The following MAF variants were observed in gnomAD, a reference collection of about 807,000 sequenced individuals.
The protein encoded by MAF is transcription factor Maf.
A neutral mutation model predicts 22.0 loss-of-function variants in MAF; 10 were observed. The ratio of observed to expected loss-of-function variants is 0.45; its 90% CI spans 0.28 to 0.77. MAF has a LOEUF of 0.77. Among genes scored for constraint, MAF ranks in the 30% least tolerant of loss-of-function variants. The pLI is 0.12. For synonymous variants in MAF, 337 were observed against 255.8 expected (o/e 1.32, Z -3.03); for missense variants, 544 against 548.4 (o/e 0.99, Z 0.08).
chr16:79,369,455 G>T, the MAF span, among the ~76,000 whole-genome samples: 1 of 152,174 alleles, frequency 6.6e-6, no homozygotes, highest in Non-Finnish European at 1.5e-5. Context: ...AACTAGTTCT[G>T]CTCTTCTCTT....
chr16:79,594,427 G>A lies in MAF; in HGVS notation c.*33C>T, dbSNP rs575860665. The A allele has an allele frequency of 2.6e-6, 4 of 1,530,174 alleles. No individual in the cohort carries two copies. In the Admixed American group the frequency reaches 5.9e-5, roughly 23 times the overall value. The allele number at this position is 1,530,174 out of a possible 1,614,324, so 94.8% of individuals were successfully genotyped here. On this transcript the variant is annotated 3_prime_UTR_variant, in exon 2 of 2. Coordinates refer to ENST00000326043, the MANE Select transcript of MAF (RefSeq NM_005360.5). ...GACTGCAAATAATAATAATAATGAT[G>A]ATTTTTTTTAATGTACAGCTCTCAC...
the MAF span, among the ~76,000 whole-genome samples, chr16:79,563,935 T>C: frequency 2.3e-4 from 35 of 152,268 alleles, no homozygotes; most frequent in African/African-American, 8.4e-4. Flanking sequence ...TGATCATTTT[T>C]GGATGTTGGG....
the MAF span, among the ~76,000 whole-genome samples, chr16:79,512,152 T>A: frequency 1.3e-5 from 2 of 152,236 alleles, no homozygotes; most frequent in African/African-American, 2.4e-5. Context: ...TGTTTTTCTT[T>A]ATCTTGAAAG....
At chr16:79,240,048 TC>T in the MAF span, among the ~76,000 whole-genome samples, 1 of 151,932 alleles carries the variant, frequency 6.6e-6, no homozygotes, top group East Asian at 1.9e-4. Flanking sequence ...GCACATGGCT[TC>T]CCTTCTCTTT....
At chr16:79,381,239 G>A in the MAF span, among the ~76,000 whole-genome samples, 1 of 152,164 alleles carries the variant, frequency 6.6e-6, no homozygotes, top group East Asian at 1.9e-4. Flanking sequence ...TTACCAAACC[G>A]ATATTTCCTG....
the MAF span, among the ~76,000 whole-genome samples, chr16:79,507,714 C>A: frequency 6.6e-6 from 1 of 152,290 alleles, no homozygotes; most frequent in African/African-American, 2.4e-5. Context: ...CGTGAGCCAC[C>A]GCGCCCGGCC....
the MAF span, among the ~76,000 whole-genome samples, chr16:79,491,548 G>A: frequency 6.6e-6 from 1 of 152,046 alleles, no homozygotes; most frequent in African/African-American, 2.4e-5. Flanking sequence ...ATCCCAGGTA[G>A]AACCTTGGTT....
At chr16:79,417,850 C>T in the MAF span, among the ~76,000 whole-genome samples, 1 of 152,116 alleles carries the variant, frequency 6.6e-6, no homozygotes, top group African/African-American at 2.4e-5. Flanking sequence ...CCACACGACG[C>T]GGCACACGTT....
intron 1 of MAF, 124 bp downstream of exon 1, chr16:79,598,661 C>A (rs1484409121): frequency 8.0e-7 from 1 of 1,252,258 alleles, no homozygotes; most frequent in Non-Finnish European, 1.1e-6. Flanking sequence ...GGGCCAAACT[C>A]GGTGGGGGTG....
the MAF span, among the ~76,000 whole-genome samples, chr16:79,574,203 T>TC: frequency 6.6e-6 from 1 of 152,210 alleles, no homozygotes; most frequent in Non-Finnish European, 1.5e-5. Flanking sequence ...AATACTATGC[T>TC]TTAGAGGAGA....
the MAF span, among the ~76,000 whole-genome samples, chr16:79,298,073 G>A: frequency 6.6e-6 from 1 of 152,240 alleles, no homozygotes; most frequent in Non-Finnish European, 1.5e-5. Flanking sequence ...ACAATGTCAA[G>A]GCAATGACAG....
chr16:79,384,750 C>A, the MAF span, among the ~76,000 whole-genome samples: 1 of 151,944 alleles, frequency 6.6e-6, no homozygotes, highest in Non-Finnish European at 1.5e-5. Context: ...GGGAGAGACT[C>A]TGTCTCAAAA....
the MAF span, among the ~76,000 whole-genome samples, chr16:79,255,977 C>CT: frequency 0.016 from 1,680 of 107,804 alleles, 78 homozygotes; most frequent in African/African-American, 0.025. Flanking sequence ...TTTTTCTTTT[C>CT]TTTTCTTTTT....
chr16:79,569,516 T>C, the MAF span, among the ~76,000 whole-genome samples: 5 of 152,222 alleles, frequency 3.3e-5, no homozygotes, highest in African/African-American at 4.8e-5. Flanking sequence ...TGTTCCAATA[T>C]CACCTGGAAA....
the MAF span, among the ~76,000 whole-genome samples, chr16:79,289,520 G>A: frequency 6.6e-6 from 1 of 152,112 alleles, no homozygotes; most frequent in Non-Finnish European, 1.5e-5. Context: ...TGATTAATTC[G>A]CAGAACATTT....
the MAF span, among the ~76,000 whole-genome samples, chr16:79,320,309 C>T: frequency 6.6e-6 from 1 of 152,208 alleles, no homozygotes; most frequent in East Asian, 1.9e-4. Flanking sequence ...TGCTCCCATT[C>T]TGCTAAAACA....
the MAF span, among the ~76,000 whole-genome samples, chr16:79,221,546 A>T: frequency 7.9e-5 from 12 of 152,396 alleles, no homozygotes; most frequent in African/African-American, 2.9e-4. Flanking sequence ...TGTTTAAAGT[A>T]TTAAAATCAC....
the MAF span, among the ~76,000 whole-genome samples, chr16:79,213,873 GCTCA>G: frequency 2.6e-5 from 4 of 152,284 alleles, no homozygotes; most frequent in Non-Finnish European, 4.4e-5. Context: ...CAGCTTCTCA[GCTCA>G]CTAAGGTTAA....
At chr16:79,522,151 C>G in the MAF span, among the ~76,000 whole-genome samples, 1 of 152,182 alleles carries the variant, frequency 6.6e-6, no homozygotes, top group African/African-American at 2.4e-5. Context: ...GAGCATCTTG[C>G]TCAAGAACAC....
Sources: allele counts gnomAD v4.1 joint callset (sites outside exome capture counted in the v4.1 genomes callset), GRCh38; gene constraint gnomAD v4.1.1; transcripts MANE v1.5; gene names NCBI Gene and HGNC (gene_info 2026-07-23, HGNC 2026-07-21).